The following CAND2 variants were observed in gnomAD, a reference collection of about 807,000 sequenced individuals.
CAND2 encodes cullin associated and neddylation dissociated 2 (putative).
Under a neutral mutation model 98.9 loss-of-function variants are expected in CAND2, and 62 were observed. The observed-to-expected ratio is 0.63, with a 90% CI of 0.51 to 0.77. The LOEUF is 0.77. Ranked by LOEUF, CAND2 falls within the 30% of genes least tolerant of loss-of-function variation. CAND2 has a pLI of 0.00. For missense variants in CAND2, 1,501 were observed against 1,655.2 expected, an observed-to-expected ratio of 0.91 and a Z score of 1.62; for synonymous variants, 770 against 731.9, an observed-to-expected ratio of 1.05 and a Z score of -0.84.
At chr3:12,828,392 C>T (rs1283270303) in intron 13 of CAND2, among the ~76,000 whole-genome samples, 1 of 140,376 alleles carries the variant, frequency 7.1e-6, no homozygotes, top group African/African-American at 2.7e-5. Context: ...GGCTGGAGTG[C>T]AGTGGCTTGA....
intron 13 of CAND2, among the ~76,000 whole-genome samples, chr3:12,828,234 T>C (rs2062019618): frequency 1.3e-5 from 2 of 152,116 alleles, no homozygotes; most frequent in Admixed American, 1.3e-4. Context: ...TTTTTTTAAA[T>C]GTTAAAGTTT....
rs1417368218 is a variant in CAND2, at chr3:12,808,194, C to G, written c.368-16C>G. 6.4e-7 allele frequency: 1 copy of G among 1,550,546 alleles called. No homozygotes were observed. The highest frequency in any genetic ancestry group is 8.7e-7 in the Non-Finnish European group (1 of 1,146,798). On this transcript the variant is annotated splice_polypyrimidine_tract_variant and intron_variant, in intron 3 of 14. Transcript: ENST00000456430. ...CAGGCCAGGGCCTCACTGTGCCCAC[C>G]TTGTGCCCTGTGCAGGCTCCGGGCT...
At chr3:12,823,715 G>T (rs1198120964) in intron 11 of CAND2, among the ~76,000 whole-genome samples, 1 of 143,540 alleles carries the variant, frequency 7.0e-6, no homozygotes, top group African/African-American at 2.7e-5. Flanking sequence ...GGGCGACAGA[G>T]CGAGACTCCA....
intron 11 of CAND2, among the ~76,000 whole-genome samples, chr3:12,821,503 A>G: frequency 6.6e-6 from 1 of 152,198 alleles, no homozygotes; most frequent in East Asian, 1.9e-4. Context: ...GCACTGGAGA[A>G]CACGTGCAGA....
rs555242543 is a variant in CAND2, at chr3:12,803,747, C to G, written c.212+116C>G. ...CAGAGGAGACCTGCTGAGCAGCTCT[C>G]GTTGAATGGTACCTTAGTCTGAGTT... On this transcript the variant is annotated intron_variant, in intron 2 of 14. Transcript: ENST00000456430. 15 of 848,824 alleles carry G rather than the reference C, an allele frequency of 1.8e-5. No homozygotes were observed. In the South Asian group the frequency reaches 3.2e-4, roughly 18 times the overall value. The allele number at this position is 848,824 out of a possible 1,614,324, so 52.6% of individuals were successfully genotyped here. A position where few individuals can be genotyped will look rare whatever the true frequency, so the allele number is the denominator to read the frequency against.
At chr3:12,808,379 G>T in intron 4 of CAND2, 46 bp downstream of exon 4, 1 of 1,545,184 alleles carries the variant, frequency 6.5e-7, no homozygotes, top group African/African-American at 1.4e-5. Context: ...GGTAAAAGGG[G>T]ACAGGGAGGG....
rs1190399075 is a variant in CAND2 at position 12,815,345 on chromosome 3, T to C, written c.1211T>C (p.Leu404Pro). Residue 404 changes from leucine to proline, a missense_variant, in exon 8 of 15, where the codon CTG (leucine) becomes CCG (proline). Transcript: ENST00000456430. This position sits in a 1 kb window ranked among gnomAD's most constrained non-coding sequence, Gnocchi z 5.7. ...GTCTTCACTGCTTACATCGTGCTGC[T>C]GCGGCAAACACAGCCCCCGAAGGGA... ...ADVFTAYIVL[L>P]RQTQPPKGWL... 1 of 1,613,968 alleles carries C rather than the reference T, an allele frequency of 6.2e-7. No homozygotes were observed. Among genetic ancestry groups the C allele is most frequent in the East Asian group, 2.2e-5 (1 of 44,886 alleles).
intron 1 of CAND2, among the ~76,000 whole-genome samples, chr3:12,798,085 A>C (rs1395086636): frequency 1.5e-5 from 2 of 132,068 alleles, no homozygotes; most frequent in Non-Finnish European, 3.2e-5. Context: ...AATGGGGATA[A>C]CAGAACCCAT....
At chr3:12,814,127 TG>T (rs1055105293) in intron 7 of CAND2, among the ~76,000 whole-genome samples, 4 of 152,190 alleles carry the variant, frequency 2.6e-5, no homozygotes, top group African/African-American at 9.7e-5. Flanking sequence ...TGGCCTACTG[TG>T]GGGGTGACAG....
rs1006162897 is a variant in CAND2 at position 12,812,982 on chromosome 3, C to T, written c.758-8C>T. On this transcript the variant is annotated splice_polypyrimidine_tract_variant and splice_region_variant and intron_variant, in intron 5 of 14. Coordinates refer to ENST00000456430, the MANE Select transcript of CAND2 (RefSeq NM_001162499.2). ...GGCTTGGGTTCAGTGATCCACCTGG[C>T]CCTGCAGGGGCTCACCTGGACCGCC... 1.9e-6 allele frequency: 3 copies of T among 1,547,986 alleles called. No individual in the cohort carries two copies. The African/African-American group carries it at 4.1e-5, about 21-fold the overall frequency.
rs755643266 is a variant in CAND2, at chr3:12,825,594, C to G, written c.3165C>G (p.Pro1055=). The change falls in exon 12 of 15, where the codon CCC becomes CCG. Residue 1055 remains proline (P), a synonymous_variant. Coordinates refer to ENST00000456430, the MANE Select transcript of CAND2 (RefSeq NM_001162499.2). ...LVRDLLDDIL[P]LLYQETKIRR... ...GGGACCTGCTGGATGACATCCTGCC[C>G]CTCCTCTACCAGGAGACAAAGATCC... 3.8e-5 allele frequency: 61 copies of G among 1,609,640 alleles called. No homozygotes were observed. In the Admixed American group the frequency reaches 1.0e-3, roughly 27 times the overall value.
intron 2 of CAND2, 62 bp downstream of exon 2, chr3:12,803,693 G>T: frequency 1.4e-6 from 2 of 1,479,160 alleles, no homozygotes; most frequent in South Asian, 1.4e-5. Flanking sequence ...GCATCCTGGG[G>T]ACCGCTGTCC....
chr3:12,803,135 G>T (rs1366035044), intron 1 of CAND2, among the ~76,000 whole-genome samples: 2 of 151,802 alleles, frequency 1.3e-5, no homozygotes, highest in East Asian at 1.9e-4. Flanking sequence ...GACTACAGGC[G>T]CCCGCCACCA....
Position 12,815,083 on chromosome 3 carries a change from G to C in CAND2, c.1007-58G>C. On this transcript the variant is annotated intron_variant, in intron 7 of 14. Coordinates refer to ENST00000456430, the MANE Select transcript of CAND2 (RefSeq NM_001162499.2). This position sits in a 1 kb window ranked among gnomAD's most constrained non-coding sequence, Gnocchi z 5.7. ...CTCTCCTCCCTGTCCCTTCTCCCCCGAGCCACAGACCTGTCCTGGGAGATG... is the reference window on the plus strand; with the variant it reads ...CTCTCCTCCCTGTCCCTTCTCCCCCCAGCCACAGACCTGTCCTGGGAGATG... 6.5e-7 allele frequency: 1 copy of C among 1,539,114 alleles called. No homozygotes were observed. Among genetic ancestry groups the C allele is most frequent in the Non-Finnish European group, 8.8e-7 (1 of 1,132,196 alleles).
At chr3:12,808,104 G>A (rs73139808) in intron 3 of CAND2, 106 bp from the exon 4 acceptor site, 22,759 of 1,402,518 alleles carry the variant, frequency 0.016, 241 homozygotes, top group African/African-American at 0.043. Context: ...TAAGATTCCC[G>A]GGGATGTGGG....
Position 12,812,240 on chromosome 3 carries a change from TG to T in CAND2, c.758-748del, listed in dbSNP as rs1193681382. Among the ~76,000 whole-genome samples the T allele has an allele frequency of 3.3e-3, 455 of 137,182 alleles. 2 individuals are homozygous for T. Among genetic ancestry groups the T allele is most frequent in the African/African-American group, 0.011 (372 of 32,628 alleles). The allele number at this position is 137,182 out of a possible 152,430, so 90.0% of individuals were successfully genotyped here. ...GTTTATCTTTTTTTTTTTTTTTTTTTGGAGATAGAATCTCGCTCTGTCCCCC... is the reference window on the plus strand; with the variant it reads ...GTTTATCTTTTTTTTTTTTTTTTTTTGAGATAGAATCTCGCTCTGTCCCCC... On this transcript the variant is annotated intron_variant, in intron 5 of 14. Transcript: ENST00000456430.
At chr3:12,833,614 CAG>C (rs1162333722) in intron 14 of CAND2, 139 bp from the exon 15 acceptor site, 3 of 679,412 alleles carry the variant, frequency 4.4e-6, no homozygotes, top group African/African-American at 3.6e-5. Context: ...GCTGGTGAGA[CAG>C]AAGCCTCAGG....
At chr3:12,821,762 C>T (rs2061958747) in intron 11 of CAND2, among the ~76,000 whole-genome samples, 1 of 152,122 alleles carries the variant, frequency 6.6e-6, no homozygotes, top group Non-Finnish European at 1.5e-5. Flanking sequence ...AAGCAAGGAG[C>T]TGTGAGCATC....
chr3:12,832,645 CAACTT>C (rs980432213), intron 14 of CAND2: 7 of 152,174 alleles, frequency 4.6e-5, no homozygotes, highest in Admixed American at 6.5e-5. Context: ...GTTTGTCACA[CAACTT>C]GACTTGAAGT....
Sources: allele counts gnomAD v4.1 joint callset (sites outside exome capture counted in the v4.1 genomes callset), GRCh38; gene constraint gnomAD v4.1.1; non-coding constraint Gnocchi (gnomAD v3.1); transcripts MANE v1.5; gene names NCBI Gene and HGNC (gene_info 2026-07-23, HGNC 2026-07-21).